Variants in OPHN1 observed in about 807,000 individuals in gnomAD.
OPHN1 encodes the protein oligophrenin 1.
In OPHN1, 11 loss-of-function variants were observed where a neutral mutation model predicts 60.7. The observed-to-expected ratio is 0.18, with a 90% CI of 0.11 to 0.30. OPHN1 has a LOEUF of 0.30. Ranked by LOEUF, OPHN1 falls within the 10% of genes least tolerant of loss-of-function variation. OPHN1 has a pLI of 1.00. For synonymous variants in OPHN1, 226 were observed against 222.6 expected, an observed-to-expected ratio of 1.02 and a Z score of -0.14; for missense variants, 449 against 611.0, an observed-to-expected ratio of 0.73 and a Z score of 2.80.
chrX:68,275,415 A>G (rs1482577835), intron 4 of OPHN1, among the ~76,000 whole-genome samples: 1 of 111,730 alleles, frequency 9.0e-6, no homozygotes, highest in Non-Finnish European at 1.9e-5. Context: ...GGAGATATGA[A>G]AACATCAAAA....
At chrX:68,211,792 G>A (rs2077585798) in intron 8 of OPHN1, among the ~76,000 whole-genome samples, 1 of 112,229 alleles carries the variant, frequency 8.9e-6, no homozygotes, top group South Asian at 3.7e-4. Context: ...TAAGGCCTGG[G>A]CTCAAATAAG....
chrX:68,126,946 T>C (rs2077174272), intron 15 of OPHN1, among the ~76,000 whole-genome samples: 1 of 112,059 alleles, frequency 8.9e-6, no homozygotes, highest in Non-Finnish European at 1.9e-5. Flanking sequence ...CATTTGTATC[T>C]GGAATTTTTA....
At chrX:68,139,088 C>T (rs1012816650) in intron 15 of OPHN1, among the ~76,000 whole-genome samples, 12 of 110,396 alleles carry the variant, frequency 1.1e-4, no homozygotes, top group African/African-American at 2.3e-4. Context: ...CAGAAGAACG[C>T]GGAATAATTC....
chrX:68,258,169 C>T, intron 5 of OPHN1, among the ~76,000 whole-genome samples: 3 of 110,680 alleles, frequency 2.7e-5, no homozygotes, highest in Middle Eastern at 4.7e-3. Flanking sequence ...GGTCATGGTC[C>T]ATTCTATGTC....
chrX:68,330,618 G>C (rs2078289712), intron 2 of OPHN1, among the ~76,000 whole-genome samples: 1 of 109,328 alleles, frequency 9.1e-6, no homozygotes, highest in Non-Finnish European at 1.9e-5. Context: ...GGGCAACATA[G>C]TGAGACTCTG....
chrX:68,431,346 C>T (rs1247093703), intron 2 of OPHN1, among the ~76,000 whole-genome samples: 3 of 112,169 alleles, frequency 2.7e-5, no homozygotes, highest in Non-Finnish European at 5.6e-5. Flanking sequence ...GGAAAAGCAC[C>T]GACTCCACAG....
chrX:68,207,198 A>T (rs1426817357), intron 9 of OPHN1, among the ~76,000 whole-genome samples: 5 of 104,892 alleles, frequency 4.8e-5, no homozygotes, highest in South Asian at 4.3e-4. Flanking sequence ...GCGCAATCTC[A>T]GCTCACTGCA....
chrX:68,071,934 G>C (rs2076936435), intron 20 of OPHN1, among the ~76,000 whole-genome samples: 2 of 111,835 alleles, frequency 1.8e-5, no homozygotes, highest in Non-Finnish European at 3.8e-5. Context: ...AATGATACCA[G>C]GTAAGAGATA....
intron 9 of OPHN1, among the ~76,000 whole-genome samples, chrX:68,209,587 A>T (rs2077575236): frequency 9.0e-6 from 1 of 111,621 alleles, no homozygotes; most frequent in South Asian, 3.8e-4. Flanking sequence ...AGAAAAGAGC[A>T]AACATATGAC....
At chrX:68,125,960 TACACACACACACACAC>T (rs111449909) in intron 15 of OPHN1, among the ~76,000 whole-genome samples, 9 of 76,908 alleles carry the variant, frequency 1.2e-4, no homozygotes, top group Admixed American at 2.9e-4. Context: ...TATATATACA[TACACACACACACACAC>T]ACATATATAC....
chrX:68,251,024 T>A (rs2077831232), intron 5 of OPHN1, among the ~76,000 whole-genome samples: 1 of 110,287 alleles, frequency 9.1e-6, no homozygotes, highest in Non-Finnish European at 1.9e-5. Context: ...CAGTTCTTCC[T>A]ATTATGATTT....
In OPHN1 at chrX:68,234,608, G is replaced by A. The variant is rs376939072; in HGVS notation, c.385-20C>T. On this transcript the variant is annotated intron_variant, in intron 5 of 24. Transcript: ENST00000355520. ...CCGCTCCTAAAGGTGGGAAAGAAGG[G>A]CAAAGATTAAATGTCTGTAGTTGTA... 1 of 1,075,944 alleles carries A rather than the reference G, an allele frequency of 9.3e-7. No homozygotes were observed. Among genetic ancestry groups the A allele is most frequent in the South Asian group, 1.9e-5 (1 of 53,971 alleles). The allele number at this position is 1,075,944 out of a possible 1,213,427, so 88.7% of individuals were successfully genotyped here. A position where few individuals can be genotyped will look rare whatever the true frequency, so the allele number is the denominator to read the frequency against.
At chrX:68,090,232 GTGTGTGTGTC>G (rs1165671666) in intron 19 of OPHN1, among the ~76,000 whole-genome samples, 3 of 93,246 alleles carry the variant, frequency 3.2e-5, no homozygotes, top group Non-Finnish European at 6.5e-5. Flanking sequence ...CCCCCACCAA[GTGTGTGTGTC>G]TGTGTGTGTG....
intron 2 of OPHN1, among the ~76,000 whole-genome samples, chrX:68,387,314 T>A (rs1243777870): frequency 9.1e-6 from 1 of 109,578 alleles, no homozygotes; most frequent in Non-Finnish European, 1.9e-5. Flanking sequence ...TTTCTCACCA[T>A]CTCCACCACC....
chrX:68,267,918 A>C (rs2077941231), intron 5 of OPHN1, among the ~76,000 whole-genome samples: 1 of 112,241 alleles, frequency 8.9e-6, no homozygotes, highest in African/African-American at 3.2e-5. Flanking sequence ...CTATGCAAAT[A>C]AACTAGAAAA....
intron 15 of OPHN1, among the ~76,000 whole-genome samples, chrX:68,129,686 A>G (rs1381530737): frequency 8.9e-6 from 1 of 112,313 alleles, no homozygotes; most frequent in African/African-American, 3.2e-5. Flanking sequence ...GGCTTACCTA[A>G]AGTACACAGA....
chrX:68,356,569 C>T (rs1420004072), intron 2 of OPHN1, among the ~76,000 whole-genome samples: 2 of 110,700 alleles, frequency 1.8e-5, no homozygotes, highest in African/African-American at 3.3e-5. Context: ...CCTGCCACCA[C>T]GCCTGGCTAA....
chrX:68,075,569 A>C (rs2076950332), intron 19 of OPHN1, among the ~76,000 whole-genome samples: 2 of 111,003 alleles, frequency 1.8e-5, no homozygotes, highest in Admixed American at 1.9e-4. Context: ...TGGAAAGCTA[A>C]CACTACCTGA....
chrX:68,186,412 A>G (rs767678894), intron 15 of OPHN1, among the ~76,000 whole-genome samples: 6 of 109,425 alleles, frequency 5.5e-5, no homozygotes, highest in Non-Finnish European at 1.1e-4. Flanking sequence ...TGGGTCCACA[A>G]TCCATTTCAG....
Sources: allele counts gnomAD v4.1 joint callset (sites outside exome capture counted in the v4.1 genomes callset), GRCh38; gene constraint gnomAD v4.1.1; transcripts MANE v1.5; gene names NCBI Gene and HGNC (gene_info 2026-07-23, HGNC 2026-07-21).